The following KATNIP variants were observed in gnomAD, a reference collection of about 807,000 sequenced individuals.
KATNIP encodes the protein katanin-interacting protein.
KATNIP carries 126 observed loss-of-function variants against 174.0 expected under a neutral mutation model. The ratio of observed to expected loss-of-function variants is 0.72; its 90% CI spans 0.63 to 0.84. The LOEUF (loss-of-function observed/expected upper bound fraction) is 0.84, where lower values mean the gene tolerates loss of function less well. Ranked by LOEUF, KATNIP falls within the 40% of genes least tolerant of loss-of-function variation. The pLI is 0.00. For synonymous variants in KATNIP, 810 were observed against 835.7 expected (o/e 0.97, Z 0.53); for missense variants, 1,958 against 2,109.7 (o/e 0.93, Z 1.41).
chr16:27,745,011 G>T (rs1308780395), intron 15 of KATNIP, among the ~76,000 whole-genome samples: 1 of 152,158 alleles, frequency 6.6e-6, no homozygotes, highest in South Asian at 2.1e-4. Flanking sequence ...AGACAGAGCA[G>T]GATCCGATCT....
intron 2 of KATNIP, among the ~76,000 whole-genome samples, chr16:27,608,924 C>A (rs1258182456): frequency 6.6e-6 from 1 of 152,136 alleles, no homozygotes; most frequent in Non-Finnish European, 1.5e-5. Context: ...ACCGAGGGAT[C>A]GTTTATGGGT....
In KATNIP at chr16:27,703,954, G is replaced by C; in HGVS notation, c.1345G>C (p.Gly449Arg). 6.2e-7 allele frequency: 1 copy of C among 1,614,160 alleles called. No individual in the cohort carries two copies. Among genetic ancestry groups the C allele is most frequent in the Non-Finnish European group, 8.5e-7 (1 of 1,180,024 alleles). ...QAVESDSAHLGRVVSPTKEQV... is the reference protein window; with the variant it reads ...QAVESDSAHLRRVVSPTKEQV... ...CGTCGAAAGTGACTCTGCCCATCTC[G>C]GCAGGGTGGTTTCACCAACCAAGGA... Residue 449 changes from glycine to arginine, a missense_variant, in exon 12 of 28, where the codon GGC (glycine) becomes CGC (arginine). By Grantham distance (125) the Gly-to-Arg change is moderately radical (BLOSUM62 -2). Transcript: ENST00000261588.
chr16:27,552,768 C>T (rs2089444398), intron 1 of KATNIP, among the ~76,000 whole-genome samples: 1 of 147,202 alleles, frequency 6.8e-6, no homozygotes, highest in African/African-American at 2.5e-5. Context: ...GATCTCGGCT[C>T]ACCGCAACCT....
At chr16:27,759,814 G>A (rs2081886260) in intron 18 of KATNIP, among the ~76,000 whole-genome samples, 1 of 152,208 alleles carries the variant, frequency 6.6e-6, no homozygotes, top group Non-Finnish European at 1.5e-5. Context: ...TCCAACTCTG[G>A]ATGGGATGAG....
chr16:27,744,673 A>C (rs949091521), intron 15 of KATNIP, among the ~76,000 whole-genome samples: 3 of 152,130 alleles, frequency 2.0e-5, no homozygotes, highest in African/African-American at 7.2e-5. Flanking sequence ...ACCTGAGGTC[A>C]AGAATTCGAG....
chr16:27,723,614 A>AT (rs1288830457), intron 14 of KATNIP, among the ~76,000 whole-genome samples: 1 of 152,130 alleles, frequency 6.6e-6, no homozygotes, highest in Non-Finnish European at 1.5e-5. Context: ...GAAAGGAGAA[A>AT]TACGTGGTTG....
chr16:27,641,322 C>A (rs1240782444), intron 5 of KATNIP, among the ~76,000 whole-genome samples: 2 of 151,996 alleles, frequency 1.3e-5, no homozygotes, highest in African/African-American at 2.4e-5. Flanking sequence ...ATCTCTCAAC[C>A]CCCCCTGTGC....
At chr16:27,715,976 TAA>T (rs34034289) in intron 13 of KATNIP, among the ~76,000 whole-genome samples, 26,269 of 143,746 alleles carry the variant, frequency 0.18, 2,513 homozygotes, top group African/African-American at 0.27. Flanking sequence ...TACATTTATT[TAA>T]AAAAAAAAAA....
chr16:27,756,414 C>T (rs1324345411), intron 18 of KATNIP, among the ~76,000 whole-genome samples: 1 of 152,218 alleles, frequency 6.6e-6, no homozygotes, highest in Non-Finnish European at 1.5e-5. Flanking sequence ...CTGTAACACT[C>T]CTAGCTCTGT....
rs747791988 is a variant in KATNIP, at chr16:27,698,405, GC to G, written c.1020del (p.Ser341LeufsTer95). ...LCEAEYPEED[A>X]SAVLQAIQVE... ...CGAGGCTGAGTACCCAGAGGAAGAT[GC>G]CTCTGCTGTGCTCCAAGCCATCCAG... On this transcript the variant is annotated frameshift_variant, in exon 9 of 28. Coordinates refer to ENST00000261588, the MANE Select transcript of KATNIP (RefSeq NM_015202.5). LOFTEE classifies it high-confidence loss of function. 1 of 1,613,716 alleles carries G rather than the reference GC, an allele frequency of 6.2e-7. No individual in the cohort carries two copies. The highest frequency in any genetic ancestry group is 1.7e-5 in the Admixed American group (1 of 59,992).
In KATNIP at chr16:27,766,278, C is replaced by A; in HGVS notation, c.3810-31C>A. On this transcript the variant is annotated intron_variant, in intron 19 of 27. Coordinates refer to ENST00000261588, the MANE Select transcript of KATNIP (RefSeq NM_015202.5). ...GATGCCTCCTGTGCCCACTGAGCCGCCCCCCTGCCGCTCCGTCCCCATTGC... is the reference window on the plus strand; with the variant it reads ...GATGCCTCCTGTGCCCACTGAGCCGACCCCCTGCCGCTCCGTCCCCATTGC... 3 of 1,608,864 alleles carry A rather than the reference C, an allele frequency of 1.9e-6. No homozygotes were observed. In the South Asian group the frequency reaches 3.3e-5, roughly 18 times the overall value.
intron 12 of KATNIP, among the ~76,000 whole-genome samples, chr16:27,707,908 C>A (rs1267906406): frequency 6.6e-6 from 1 of 152,162 alleles, no homozygotes; most frequent in African/African-American, 2.4e-5. Flanking sequence ...CCCACAGCCT[C>A]ATTTTAACTT....
chr16:27,557,686 C>T (rs1310568239), intron 1 of KATNIP, among the ~76,000 whole-genome samples: 3 of 152,064 alleles, frequency 2.0e-5, no homozygotes, highest in Non-Finnish European at 4.4e-5. Flanking sequence ...CCTTGGCCTC[C>T]CAAGTTGCTA....
At chr16:27,665,606 AT>A (rs773182744) in intron 6 of KATNIP, among the ~76,000 whole-genome samples, 2,977 of 138,044 alleles carry the variant, frequency 0.022, 81 homozygotes, top group African/African-American at 0.06. Flanking sequence ...TGTTTTTATT[AT>A]TTTTTTTTTT....
intron 2 of KATNIP, among the ~76,000 whole-genome samples, chr16:27,607,255 C>A (rs1366262591): frequency 1.3e-5 from 2 of 152,176 alleles, no homozygotes; most frequent in Non-Finnish European, 2.9e-5. Flanking sequence ...GGAATGGATG[C>A]TGGCGCCACA....
intron 17 of KATNIP, 32 bp from the exon 18 acceptor site, chr16:27,754,141 C>T: frequency 6.3e-7 from 1 of 1,593,260 alleles, no homozygotes; most frequent in Non-Finnish European, 8.6e-7. Flanking sequence ...AAAACCACCC[C>T]CTTTTCCTCT....
chr16:27,649,822 A>G (rs137866195), intron 6 of KATNIP, among the ~76,000 whole-genome samples: 44 of 152,336 alleles, frequency 2.9e-4, no homozygotes, highest in African/African-American at 5.5e-4. Context: ...GTTAGCCAGG[A>G]TAGAGAGAGA....
At chr16:27,621,773 G>T (rs2076203530) in intron 3 of KATNIP, among the ~76,000 whole-genome samples, 1 of 151,074 alleles carries the variant, frequency 6.6e-6, no homozygotes, top group Admixed American at 6.6e-5. Flanking sequence ...TTGAGAGCAG[G>T]AGAGAGAGGG....
intron 2 of KATNIP, among the ~76,000 whole-genome samples, chr16:27,603,516 G>A (rs889087377): frequency 1.3e-5 from 2 of 152,082 alleles, no homozygotes; most frequent in African/African-American, 4.8e-5. Context: ...TCCCCAGAGA[G>A]GCCCTCTCGG....
Sources: allele counts gnomAD v4.1 joint callset (sites outside exome capture counted in the v4.1 genomes callset), GRCh38; gene constraint gnomAD v4.1.1; transcripts MANE v1.5; gene names NCBI Gene and HGNC (gene_info 2026-07-23, HGNC 2026-07-21).